Variants in TG observed in about 807,000 individuals in gnomAD.
TG encodes the protein thyroid hormones.
TG carries 270 observed loss-of-function variants against 324.7 expected under a neutral mutation model. The observed-to-expected ratio is 0.83, with a 90% confidence interval of 0.75 to 0.92. The LOEUF (loss-of-function observed/expected upper bound fraction) is 0.92, where lower values mean the gene tolerates loss of function less well. Among genes scored for constraint, TG ranks in the 40% least tolerant of loss-of-function variants. TG has a pLI of 0.00. For missense variants in TG, 3,591 were observed against 3,456.4 expected (o/e 1.04, Z -0.98); for synonymous variants, 1,401 against 1,327.0 (o/e 1.06, Z -1.21).
Position 132,967,905 on chromosome 8 carries a change from A to C in TG, c.5798A>C (p.Glu1933Ala). 6.2e-7 allele frequency: 1 copy of C among 1,614,018 alleles called. No individual in the cohort carries two copies. Among genetic ancestry groups the C allele is most frequent in the Non-Finnish European group, 8.5e-7 (1 of 1,179,956 alleles). ...PEAQVCDDIM[E>A]SNAQGCRLIL... ...GCACAGGTGTGTGATGACATCATGG[A>C]GTCCAATGCCCAGGGCTGCAGACTG... The change falls in exon 31 of 48, where the codon GAG becomes GCG. Residue 1933 changes from glutamate (E) to alanine (A), a missense_variant. Transcript: ENST00000220616.
At chr8:133,080,517 C>T (rs1293729737) in intron 41 of TG, among the ~76,000 whole-genome samples, 1 of 152,170 alleles carries the variant, frequency 6.6e-6, no homozygotes, top group Non-Finnish European at 1.5e-5. Context: ...CATCCTCTTT[C>T]AGCCCTGTGT....
intron 16 of TG, among the ~76,000 whole-genome samples, chr8:132,902,446 G>C (rs1818063003): frequency 6.6e-6 from 1 of 152,132 alleles, no homozygotes; most frequent in Non-Finnish European, 1.5e-5. Context: ...CATTGCGGGG[G>C]TTGCTTTCCA....
chr8:133,032,095 G>A (rs1836695979), intron 41 of TG, among the ~76,000 whole-genome samples: 1 of 152,166 alleles, frequency 6.6e-6, no homozygotes, highest in Non-Finnish European at 1.5e-5. Context: ...ACATCTTAGA[G>A]TCCGTGGATG....
In TG at chr8:132,961,014, C is replaced by T. The variant is rs1827677827; in HGVS notation, c.5408C>T (p.Thr1803Ile). 3.1e-6 allele frequency: 5 copies of T among 1,613,932 alleles called. No individual in the cohort carries two copies. Among genetic ancestry groups the T allele is most frequent in the Non-Finnish European group, 4.2e-6 (5 of 1,179,940 alleles). Residue 1803 changes from threonine (T) to isoleucine (I), a missense_variant, in exon 28 of 48, where the codon ACA (threonine) becomes ATA (isoleucine). By Grantham distance (89) the Thr-to-Ile change is moderately conservative. Transcript: ENST00000220616. ...LGDQEFIKSLTPLEGTQDTFT... is the reference protein window; with the variant it reads ...LGDQEFIKSLIPLEGTQDTFT... ...TAAACATCTTCCTTTGCAGGTCTGA[C>T]ACCCTTAGAAGGAACTCAAGACACC...
chr8:132,886,307 C>A, intron 8 of TG, 141 bp from the exon 9 acceptor site: 1 of 1,218,176 alleles, frequency 8.2e-7, no homozygotes. Flanking sequence ...AATAAAATGA[C>A]ACAGAGAAGA....
intron 13 of TG, 109 bp from the exon 14 acceptor site, chr8:132,898,689 A>ACCTG: frequency 1.2e-6 from 1 of 850,700 alleles, no homozygotes; most frequent in South Asian, 1.4e-5. Context: ...TATGAAGAGC[A>ACCTG]CCTGCATTCA....
At chr8:133,023,678 C>T (rs73708819) in intron 40 of TG, among the ~76,000 whole-genome samples, 5,523 of 152,236 alleles carry the variant, frequency 0.036, 150 homozygotes, top group African/African-American at 0.076. Flanking sequence ...CATCAGGACT[C>T]GCCCCAAGGA....
intron 43 of TG, among the ~76,000 whole-genome samples, chr8:133,110,062 A>G (rs1850137336): frequency 6.6e-6 from 1 of 152,134 alleles, no homozygotes; most frequent in Non-Finnish European, 1.5e-5. Context: ...ACCTCAGTAT[A>G]GCTCCCTCAT....
chr8:132,909,826 GT>G (rs1423925656), intron 18 of TG, among the ~76,000 whole-genome samples: 20 of 152,172 alleles, frequency 1.3e-4, no homozygotes, highest in Admixed American at 1.3e-3. Context: ...AGCTAAGGAG[GT>G]TCTGGGGTTA....
intron 25 of TG, among the ~76,000 whole-genome samples, chr8:132,936,949 G>A (rs1368384985): frequency 6.8e-6 from 1 of 147,296 alleles, no homozygotes; most frequent in Non-Finnish European, 1.5e-5. Context: ...CCTGTTCCTT[G>A]ACATTCTCAG....
At chr8:133,040,181 AG>A (rs1837953560) in intron 41 of TG, 1 of 1,552,812 alleles carries the variant, frequency 6.4e-7, no homozygotes, top group African/African-American at 1.4e-5. Flanking sequence ...CGCCTCAGCC[AG>A]TGTGGGGTTC....
chr8:133,054,687 C>T (rs551769103), intron 41 of TG, among the ~76,000 whole-genome samples: 39 of 152,312 alleles, frequency 2.6e-4, no homozygotes, highest in South Asian at 6.2e-4. Context: ...ATGAACTCCA[C>T]TTGGTGAGAA....
At chr8:133,110,888 A>G (rs902406748) in intron 43 of TG, among the ~76,000 whole-genome samples, 1 of 152,144 alleles carries the variant, frequency 6.6e-6, no homozygotes, top group Non-Finnish European at 1.5e-5. Context: ...CCCACGAACA[A>G]CCAGCCACGA....
intron 41 of TG, among the ~76,000 whole-genome samples, chr8:133,062,390 C>A (rs1193164658): frequency 2.6e-5 from 4 of 152,250 alleles, no homozygotes; most frequent in African/African-American, 9.6e-5. Flanking sequence ...ATGTGCTTCC[C>A]CAAAATGCTT....
In TG at chr8:132,969,015, CGGAGA is replaced by C. The variant is rs941979060; in HGVS notation, c.5864-431_5864-427del. Among the ~76,000 whole-genome samples, 9 of 152,140 alleles carry C rather than the reference CGGAGA, an allele frequency of 5.9e-5. No homozygotes were observed. In the South Asian group the frequency reaches 1.2e-3, roughly 21 times the overall value. On this transcript the variant is annotated intron_variant, in intron 31 of 47. Transcript: ENST00000220616. ...GTGGGGAGAGGGCTGTTGTCAGCTG[CGGAGA>C]GGAGAGGAGAGCATCTAGAGGCCAA...
chr8:133,129,316 G>A (rs981740652), intron 45 of TG, among the ~76,000 whole-genome samples: 4 of 152,196 alleles, frequency 2.6e-5, no homozygotes, highest in Non-Finnish European at 2.9e-5. Context: ...TTCTAAGGTC[G>A]CAGACAGTGG....
chr8:132,987,893 G>A (rs1009074868), intron 35 of TG, among the ~76,000 whole-genome samples: 2 of 152,136 alleles, frequency 1.3e-5, no homozygotes, highest in African/African-American at 4.8e-5. Flanking sequence ...CTTCTCTAGA[G>A]CAACAGAAAT....
At chr8:133,020,820 C>CT (rs1301449400) in intron 39 of TG, among the ~76,000 whole-genome samples, 1 of 152,172 alleles carries the variant, frequency 6.6e-6, no homozygotes, top group Admixed American at 6.5e-5. Context: ...AAATGAGACA[C>CT]TCTAGGGCAG....
At chr8:133,058,766 A>G (rs1463518921) in intron 41 of TG, among the ~76,000 whole-genome samples, 1 of 152,218 alleles carries the variant, frequency 6.6e-6, no homozygotes, top group Non-Finnish European at 1.5e-5. Flanking sequence ...CTGTCCTGAG[A>G]GCACATGCTC....
Sources: allele counts gnomAD v4.1 joint callset (sites outside exome capture counted in the v4.1 genomes callset), GRCh38; gene constraint gnomAD v4.1.1; transcripts MANE v1.5; gene names NCBI Gene and HGNC (gene_info 2026-07-23, HGNC 2026-07-21).